Variants in USP20 observed in about 807,000 individuals in gnomAD.
USP20 encodes the protein ubiquitin specific peptidase 20, also known as ubiquitin carboxyl-terminal hydrolase 20.
In USP20, 80 loss-of-function variants were observed where a neutral mutation model predicts 124.2. The observed-to-expected ratio is 0.64, with a 90% CI of 0.54 to 0.78. The LOEUF (loss-of-function observed/expected upper bound fraction) is 0.78, where lower values mean the gene tolerates loss of function less well. USP20 is among the 30% of genes least tolerant of loss of function. The pLI, the probability that USP20 is intolerant of heterozygous loss-of-function variation, is 0.00. For missense variants in USP20, 1,043 were observed against 1,244.4 expected (o/e 0.84, Z 2.44); for synonymous variants, 481 against 512.3 (o/e 0.94, Z 0.83).
At chr9:129,846,421 C>T (rs1048558967) in intron 1 of USP20, among the ~76,000 whole-genome samples, 13 of 149,450 alleles carry the variant, frequency 8.7e-5, no homozygotes, top group African/African-American at 3.0e-4. Flanking sequence ...CCATGCCCAC[C>T]TAATTTTTAA....
chr9:129,869,020 G>A lies in USP20; in HGVS notation c.1276+18G>A. ...CAAGAAAGGTTCGGGGGGCACGGGA[G>A]GGTGGGTCAGCTTGAGGCTGGGAGT... On this transcript the variant is annotated intron_variant, in intron 12 of 25. Transcript: ENST00000372429. 1.3e-6 allele frequency: 2 copies of A among 1,590,860 alleles called. No individual in the cohort carries two copies. The highest frequency in any genetic ancestry group is 1.3e-5 in the African/African-American group (1 of 74,302).
chr9:129,852,702 C>A, intron 3 of USP20, 66 bp downstream of exon 3: 1 of 1,483,894 alleles, frequency 6.7e-7, no homozygotes. Context: ...GGGGTGTGGA[C>A]ATTTCTGAAG....
At chr9:129,835,870 T>C (rs2031789398) in intron 1 of USP20, 1 of 152,378 alleles carries the variant, frequency 6.6e-6, no homozygotes, top group South Asian at 2.1e-4. Context: ...TGACGTGCGT[T>C]TTTTTCTTTC....
chr9:129,840,960 G>A (rs943392615), intron 1 of USP20, among the ~76,000 whole-genome samples: 34 of 152,014 alleles, frequency 2.2e-4, no homozygotes, highest in African/African-American at 7.5e-4. Flanking sequence ...TAGTAGAGAC[G>A]GGGTTTCACC....
At chr9:129,868,678 C>T (rs1193863975) in intron 11 of USP20, among the ~76,000 whole-genome samples, 184 bp from the exon 12 acceptor site, 7 of 152,116 alleles carry the variant, frequency 4.6e-5, no homozygotes, top group Non-Finnish European at 1.0e-4. Flanking sequence ...GCCTTCCAGC[C>T]GGACATGGAT....
At chr9:129,846,360 ATCC>A (rs912548250) in intron 1 of USP20, among the ~76,000 whole-genome samples, 10 of 133,230 alleles carry the variant, frequency 7.5e-5, no homozygotes, top group African/African-American at 2.9e-4. Flanking sequence ...GGCTCCAGCC[ATCC>A]TCCCATCACA....
chr9:129,873,767 C>T (rs2034252091), intron 17 of USP20, 23 bp downstream of exon 17: 1 of 1,609,018 alleles, frequency 6.2e-7, no homozygotes. Context: ...CCTCGGCAGC[C>T]TCCTCCTCAG....
At chr9:129,871,460 A>T (rs532328079) in intron 15 of USP20, among the ~76,000 whole-genome samples, 3 of 152,110 alleles carry the variant, frequency 2.0e-5, no homozygotes, top group Admixed American at 2.0e-4. Flanking sequence ...CCTGTTAGCT[A>T]TTGTGAGGAA....
intron 1 of USP20, among the ~76,000 whole-genome samples, chr9:129,838,228 G>T (rs1267736373): frequency 6.6e-6 from 1 of 152,036 alleles, no homozygotes; most frequent in South Asian, 2.1e-4. Context: ...TTTTAGTAGA[G>T]ACGGGGTTTC....
chr9:129,875,923 CTCTTCAGCCT>C (rs1373790220), intron 21 of USP20, among the ~76,000 whole-genome samples, 197 bp from the exon 22 acceptor site: 2 of 152,276 alleles, frequency 1.3e-5, no homozygotes, highest in East Asian at 1.9e-4. Flanking sequence ...TGGCCATCTG[CTCTTCAGCCT>C]TGAAGCAGGA....
At chr9:129,870,629 A>G (rs1197351966) in intron 15 of USP20, 82 bp downstream of exon 15, 2 of 1,472,562 alleles carry the variant, frequency 1.4e-6, no homozygotes, top group African/African-American at 2.8e-5. Flanking sequence ...GCCAGCATGC[A>G]GCCCAGGGCT....
intron 9 of USP20, 63 bp downstream of exon 9, chr9:129,863,362 A>T (rs1350256992): frequency 7.7e-7 from 1 of 1,306,006 alleles, no homozygotes; most frequent in East Asian, 2.6e-5. Flanking sequence ...GTCAGCACCC[A>T]TGATTGAGTA....
intron 22 of USP20, among the ~76,000 whole-genome samples, chr9:129,876,630 C>T (rs1206532245): frequency 2.6e-5 from 3 of 113,844 alleles, no homozygotes; most frequent in Non-Finnish European, 5.5e-5. Flanking sequence ...CCGAGTAAGA[C>T]TCCATCTCAA....
intron 11 of USP20, 80 bp from the exon 12 acceptor site, chr9:129,868,782 G>A (rs1477735017): frequency 6.7e-7 from 1 of 1,496,778 alleles, no homozygotes; most frequent in Non-Finnish European, 8.9e-7. Flanking sequence ...CTTTAGGAGG[G>A]GCTGGCAGGT....
chr9:129,858,375 A>G, intron 5 of USP20, 92 bp from the exon 6 acceptor site: 2 of 1,573,390 alleles, frequency 1.3e-6, no homozygotes, highest in Non-Finnish European at 1.7e-6. Context: ...AGGGCCTCTT[A>G]CTGAGAGGCT....
chr9:129,839,154 T>G lies in USP20; in HGVS notation c.-129+3655T>G, dbSNP rs1269880920. 6.6e-6 allele frequency among the ~76,000 whole-genome samples: 1 copy of G among 152,136 alleles called. No homozygotes were observed. The highest frequency in any genetic ancestry group is 1.9e-4 in the East Asian group (1 of 5,182). ...GGGCAGGTAGTCGTGGGTTCGAATT[T>G]TGGTTCTGCAGCTCAGTAGCTGTGT... On this transcript the variant is annotated intron_variant, in intron 1 of 25. Coordinates refer to ENST00000372429, the MANE Select transcript of USP20 (RefSeq NM_001110303.4). The surrounding 1 kb of genome is among the most constrained non-coding windows in gnomAD (Gnocchi z 4.5).
chr9:129,861,406 G>A, intron 7 of USP20, 137 bp from the exon 8 acceptor site: 2 of 756,382 alleles, frequency 2.6e-6, no homozygotes, highest in Non-Finnish European at 4.6e-6. Flanking sequence ...GATTCCTGGG[G>A]TGGAACGCTT....
rs374556177 is a variant in USP20, at chr9:129,874,986, C to A, written c.2048+31C>A. ...CGCTGGGCCAGGCCTGGTGGAGGAA[C>A]CTCACCATCCCCGTCCCCTGGGACC... On this transcript the variant is annotated intron_variant, in intron 19 of 25. Transcript: ENST00000372429. 61 of 1,608,644 alleles carry A rather than the reference C, an allele frequency of 3.8e-5. No homozygotes were observed. In the East Asian group the frequency reaches 1.3e-3, roughly 35 times the overall value.
chr9:129,866,094 C>T lies in USP20; in HGVS notation c.690+713C>T, dbSNP rs372148026. Among the ~76,000 whole-genome samples, 332 of 152,334 alleles carry T rather than the reference C, an allele frequency of 2.2e-3. 2 individuals are homozygous for T. Among genetic ancestry groups the T allele is most frequent in the African/African-American group, 7.6e-3 (315 of 41,582 alleles). On this transcript the variant is annotated intron_variant, in intron 10 of 25. Transcript: ENST00000372429. ...ATGGCTCCTGCCCTCCAGCCTCCTG[C>T]CCCAGATGGCCCACAGCCTGGGCTT...
Sources: gnomAD v4.1 joint callset for allele counts (sites outside exome capture counted in the v4.1 genomes callset) on GRCh38, gnomAD v4.1.1 for gene constraint, Gnocchi (gnomAD v3.1) non-coding constraint, MANE v1.5 for transcripts, NCBI Gene and HGNC (gene_info 2026-07-23, HGNC 2026-07-21) for gene names.